The following PTPRD variants were observed in gnomAD, a reference collection of about 807,000 sequenced individuals.
The protein encoded by PTPRD is receptor-type tyrosine-protein phosphatase delta.
PTPRD carries 34 observed loss-of-function variants against 214.5 expected under a neutral mutation model. That is an observed-to-expected ratio of 0.16 (90% CI 0.12 to 0.21). PTPRD has a LOEUF of 0.21. Ranked by LOEUF, PTPRD falls within the 10% of genes least tolerant of loss-of-function variation. The pLI, the probability that PTPRD is intolerant of heterozygous loss-of-function variation, is 1.00. For synonymous variants in PTPRD, 1,128 were observed against 845.7 expected, an observed-to-expected ratio of 1.33 and a Z score of -5.79; for missense variants, 2,545 against 2,398.7, an observed-to-expected ratio of 1.06 and a Z score of -1.27.
chr9:9,792,384 C>T (rs1231596762), intron 5 of PTPRD, among the ~76,000 whole-genome samples: 1 of 152,152 alleles, frequency 6.6e-6, no homozygotes, highest in Non-Finnish European at 1.5e-5. Flanking sequence ...AGAGTTTCAT[C>T]TATCTTTAAG....
At chr9:9,772,242 C>A (rs1342902003) in intron 5 of PTPRD, among the ~76,000 whole-genome samples, 1 of 151,904 alleles carries the variant, frequency 6.6e-6, no homozygotes, top group East Asian at 1.9e-4. Flanking sequence ...ATCTACGAGA[C>A]AAGGAGAAAG....
chr9:10,184,268 T>C (rs2154311133), intron 3 of PTPRD, among the ~76,000 whole-genome samples: 2 of 151,886 alleles, frequency 1.3e-5, no homozygotes, highest in South Asian at 4.2e-4. Context: ...CTACCAAAAA[T>C]AGAAAAATTA....
intron 10 of PTPRD, among the ~76,000 whole-genome samples, chr9:9,136,210 C>A (rs1054504951): frequency 6.6e-6 from 1 of 152,050 alleles, no homozygotes; most frequent in African/African-American, 2.4e-5. Context: ...AAAAAAATGG[C>A]AAGCACTAGA....
intron 3 of PTPRD, among the ~76,000 whole-genome samples, chr9:10,047,312 C>CTGTGTGTGTGTGTGTGTGTG (rs56257525): frequency 1.4e-5 from 2 of 138,718 alleles, no homozygotes; most frequent in Non-Finnish European, 3.1e-5. Flanking sequence ...AATCAACTAA[C>CTGTGTGTGTGTGTGTGTGTG]TGTGTGTGTG....
At position 8,499,695 on chromosome 9, in the gene PTPRD, C is replaced by T. The variant is rs2136814667; in HGVS notation, c.2274G>A (p.Glu758=). 6.2e-7 allele frequency: 1 copy of T among 1,614,044 alleles called. No individual in the cohort carries two copies. Among genetic ancestry groups the T allele is most frequent in the East Asian group, 2.2e-5 (1 of 44,878 alleles). The stretch of plus-strand genomic sequence containing the variant: ...CTTTCAGCATGGGCTGGCCCTTGGG[C>T]TCACCATTTTCCATCCTCACATAAT... ...QVHYVRMENG[E]PKGQPMLKDV... The change falls in exon 25 of 46, where the codon GAG becomes GAA. Residue 758 remains glutamate (E), a synonymous_variant. Coordinates refer to ENST00000381196, the MANE Select transcript of PTPRD (RefSeq NM_002839.4).
intron 3 of PTPRD, among the ~76,000 whole-genome samples, chr9:10,046,817 A>G (rs2097406726): frequency 6.6e-6 from 1 of 151,974 alleles, no homozygotes; most frequent in Non-Finnish European, 1.5e-5. Flanking sequence ...GTTTAGGCAA[A>G]TGCCTTCCTT....
At chr9:8,757,666 A>G (rs1325977278) in intron 11 of PTPRD, among the ~76,000 whole-genome samples, 2 of 139,336 alleles carry the variant, frequency 1.4e-5, no homozygotes, top group Non-Finnish European at 3.0e-5. Flanking sequence ...ATATATATAT[A>G]CATACATATA....
chr9:8,920,615 T>G (rs1481859860), intron 11 of PTPRD, among the ~76,000 whole-genome samples: 1 of 152,210 alleles, frequency 6.6e-6, no homozygotes, highest in East Asian at 1.9e-4. Context: ...AATCTCATAA[T>G]GTTTTAAGAA....
At chr9:8,930,623 G>A (rs559538095) in intron 11 of PTPRD, among the ~76,000 whole-genome samples, 1 of 152,244 alleles carries the variant, frequency 6.6e-6, no homozygotes, top group East Asian at 1.9e-4. Flanking sequence ...TCCAGCACCT[G>A]TTGTTTCCTG....
chr9:8,839,268 CT>C (rs2097506594), intron 11 of PTPRD, among the ~76,000 whole-genome samples: 1 of 151,718 alleles, frequency 6.6e-6, no homozygotes, highest in Non-Finnish European at 1.5e-5. Context: ...TGAACAAAAC[CT>C]AGATGATAAT....
chr9:9,101,585 G>A (rs866482746), intron 10 of PTPRD, among the ~76,000 whole-genome samples: 1 of 152,114 alleles, frequency 6.6e-6, no homozygotes, highest in South Asian at 2.1e-4. Flanking sequence ...AAACTAATAA[G>A]AGAATTATTA....
intron 9 of PTPRD, among the ~76,000 whole-genome samples, chr9:9,239,458 G>C (rs753403189): frequency 1.3e-5 from 2 of 152,086 alleles, no homozygotes; most frequent in Admixed American, 6.6e-5. Flanking sequence ...TCGAACCTAA[G>C]AGCAGAACCA....
intron 2 of PTPRD, among the ~76,000 whole-genome samples, chr9:10,453,385 T>G (rs78717924): frequency 0.012 from 1,782 of 151,826 alleles, 32 homozygotes; most frequent in African/African-American, 0.039. Context: ...AACTGATCTG[T>G]ATGCCACATT....
chr9:10,037,600 C>T lies in PTPRD; in HGVS notation c.-544-3810G>A, dbSNP rs200862554. Among the ~76,000 whole-genome samples, 10 of 119,012 alleles carry T rather than the reference C, an allele frequency of 8.4e-5. 1 individual carries two copies. The highest frequency in any genetic ancestry group is 8.1e-4 in the Admixed American group (10 of 12,284). 78.1% of individuals were successfully genotyped at this position (119,012 alleles called of 152,430 possible). Reference sequence around the variant, plus strand: ...CAGTGGAAAAAAAAAAAAAAAAAAACAAGCTAATTCAGAAACTGACACATT... The same window carrying T: ...CAGTGGAAAAAAAAAAAAAAAAAAATAAGCTAATTCAGAAACTGACACATT... On this transcript the variant is annotated intron_variant, in intron 3 of 45. Coordinates refer to ENST00000381196, the MANE Select transcript of PTPRD (RefSeq NM_002839.4).
chr9:9,680,938 A>T (rs543794326), intron 7 of PTPRD, among the ~76,000 whole-genome samples: 1 of 151,908 alleles, frequency 6.6e-6, no homozygotes, highest in East Asian at 1.9e-4. Flanking sequence ...AAAGGCCCAC[A>T]AGAATCAATC....
At chr9:8,339,587 G>GT (rs779094267) in intron 42 of PTPRD, among the ~76,000 whole-genome samples, 2 of 152,112 alleles carry the variant, frequency 1.3e-5, no homozygotes, top group African/African-American at 4.8e-5. Context: ...CCAAATCAGA[G>GT]TAAGTCAGTT....
intron 27 of PTPRD, among the ~76,000 whole-genome samples, chr9:8,488,613 G>C (rs1242230112): frequency 6.6e-6 from 1 of 152,150 alleles, no homozygotes; most frequent in African/African-American, 2.4e-5. Context: ...CCATCCATAA[G>C]TTGGAAACTG....
intron 4 of PTPRD, among the ~76,000 whole-genome samples, chr9:9,968,038 C>T (rs10739206): frequency 0.64 from 97,091 of 152,070 alleles, 33,122 homozygotes; most frequent in East Asian, 0.92. Context: ...TGTTCTCTCA[C>T]GCATATCATA....
rs192819422 is a variant in PTPRD at position 9,679,274 on chromosome 9, G to A, written c.-287+55259C>T. ...TCCCCCACTCCCTTCACACACAAGC[G>A]CTTTGCTACACACAAAAGATGGCAC... On this transcript the variant is annotated intron_variant, in intron 7 of 45. Transcript: ENST00000381196. Among the ~76,000 whole-genome samples the A allele has an allele frequency of 1.3e-3, 198 of 151,210 alleles. 1 individual carries two copies. Among genetic ancestry groups the A allele is most frequent in the African/African-American group, 1.6e-3 (67 of 41,258 alleles).
Sources: allele counts gnomAD v4.1 joint callset (sites outside exome capture counted in the v4.1 genomes callset), GRCh38; gene constraint gnomAD v4.1.1; transcripts MANE v1.5; gene names NCBI Gene and HGNC (gene_info 2026-07-23, HGNC 2026-07-21).